Variants in FAM20C observed in about 807,000 individuals in gnomAD.
FAM20C encodes the protein FAM20C golgi associated secretory pathway kinase.
A neutral mutation model predicts 51.5 loss-of-function variants in FAM20C; 40 were observed. That is an observed-to-expected ratio of 0.78 (90% CI 0.60 to 1.01). FAM20C has a LOEUF of 1.01. FAM20C is among the 50% of genes least tolerant of loss of function. The pLI, the probability that FAM20C is intolerant of heterozygous loss-of-function variation, is 0.00. For synonymous variants in FAM20C, 406 were observed against 380.6 expected (o/e 1.07, Z -0.78); for missense variants, 861 against 844.7 (o/e 1.02, Z -0.24).
At chr7:248,169 G>T in intron 4 of FAM20C, 146 bp from the exon 5 acceptor site, 1 of 533,702 alleles carries the variant, frequency 1.9e-6, no homozygotes. Flanking sequence ...CCTAGGGCTG[G>T]GTTTATTCGG....
In FAM20C at chr7:258,157, TAGGCA is replaced by T. The variant is rs1562401522; in HGVS notation, c.1446-488_1446-484del. The stretch of plus-strand genomic sequence containing the variant: ...GACCCACTGACTGGGGTGCTGGAGA[TAGGCA>T]GGGTGGACCCACTGCCTGAGGTGCT... On this transcript the variant is annotated intron_variant, in intron 8 of 9. Transcript: ENST00000313766. 6.0e-3 allele frequency among the ~76,000 whole-genome samples: 515 copies of T among 86,452 alleles called. 74 individuals are homozygous for T. Among genetic ancestry groups the T allele is most frequent in the African/African-American group, 6.8e-3 (117 of 17,248 alleles). The allele number at this position is 86,452 out of a possible 152,430, so 56.7% of individuals were successfully genotyped here.
At chr7:209,885 G>T (rs567588680) in intron 3 of FAM20C, among the ~76,000 whole-genome samples, 26 of 152,268 alleles carry the variant, frequency 1.7e-4, no homozygotes, top group Non-Finnish European at 3.2e-4. Flanking sequence ...GATGTTTGCA[G>T]CTGGGCTCGG....
intron 1 of FAM20C, chr7:195,284 A>C: frequency 1.3e-5 from 5 of 376,364 alleles, no homozygotes; most frequent in Non-Finnish European, 2.4e-5. Context: ...ACGTCCTGGA[A>C]TTAGTTTTGC....
intron 2 of FAM20C, among the ~76,000 whole-genome samples, chr7:198,227 A>T (rs1446437853): frequency 6.6e-6 from 1 of 152,200 alleles, no homozygotes; most frequent in Non-Finnish European, 1.5e-5. Context: ...ACACAGCCGC[A>T]TCACCCAGGC....
intron 3 of FAM20C, chr7:228,199 C>G: frequency 3.0e-6 from 1 of 331,888 alleles, no homozygotes; most frequent in Non-Finnish European, 6.0e-6. Flanking sequence ...TGTGATGAGG[C>G]CCGTGGCCAA....
intron 3 of FAM20C, among the ~76,000 whole-genome samples, chr7:211,768 C>T (rs964749899): frequency 1.3e-5 from 2 of 152,214 alleles, no homozygotes; most frequent in Non-Finnish European, 2.9e-5. Context: ...GAAACTGAGG[C>T]CCGGAAAGGG....
chr7:205,996 G>A (rs752560429), intron 2 of FAM20C, among the ~76,000 whole-genome samples: 1 of 151,560 alleles, frequency 6.6e-6, no homozygotes, highest in African/African-American at 2.4e-5. Context: ...CCCCCATCCC[G>A]CCATCTCCTG....
intron 3 of FAM20C, among the ~76,000 whole-genome samples, chr7:216,830 C>G (rs372576836): frequency 2.6e-5 from 4 of 152,046 alleles, no homozygotes; most frequent in Non-Finnish European, 5.9e-5. Flanking sequence ...GAAGGGCTTG[C>G]GGGGCTGACA....
At chr7:195,513 G>A in intron 1 of FAM20C, 41 bp from the exon 2 acceptor site, 1 of 1,460,992 alleles carries the variant, frequency 6.8e-7, no homozygotes, top group Non-Finnish European at 9.1e-7. Flanking sequence ...TCACGGGCCT[G>A]TTCTTTCCAT....
At chr7:223,844 C>T (rs557495267) in intron 3 of FAM20C, among the ~76,000 whole-genome samples, 173 of 149,180 alleles carry the variant, frequency 1.2e-3, no homozygotes, top group South Asian at 5.9e-3. Flanking sequence ...AATGAGCTTT[C>T]GAGAGACTCT....
At chr7:217,745 G>A (rs1327739300) in intron 3 of FAM20C, among the ~76,000 whole-genome samples, 1 of 152,126 alleles carries the variant, frequency 6.6e-6, no homozygotes, top group East Asian at 1.9e-4. Context: ...AAGAAAGACG[G>A]GAGAACAATG....
At chr7:245,586 A>G (rs1788119741) in intron 3 of FAM20C, among the ~76,000 whole-genome samples, 1 of 152,104 alleles carries the variant, frequency 6.6e-6, no homozygotes, top group African/African-American at 2.4e-5. Flanking sequence ...TTGGTGGAGG[A>G]AGCATGCTTA....
In FAM20C at chr7:193,361, G is replaced by A. The variant is rs1785667502; in HGVS notation, c.162G>A (p.Glu54=). The A allele has an allele frequency of 1.6e-6, 2 of 1,267,628 alleles. No homozygotes were observed. Among genetic ancestry groups the A allele is most frequent in the Non-Finnish European group, 9.9e-7 (1 of 1,007,806 alleles). The allele number at this position is 1,267,628 out of a possible 1,614,324, so 78.5% of individuals were successfully genotyped here. ...PGCSCAQPAA[E]VAAPGWAQVR... ...GTTCGTGCGCGCAGCCCGCCGCCGAGGTGGCCGCGCCCGGCTGGGCCCAGG... is the reference window on the plus strand; with the variant it reads ...GTTCGTGCGCGCAGCCCGCCGCCGAAGTGGCCGCGCCCGGCTGGGCCCAGG... The change falls in exon 1 of 10, where the codon GAG becomes GAA. Residue 54 remains glutamate, a synonymous_variant. Coordinates refer to ENST00000313766, the MANE Select transcript of FAM20C (RefSeq NM_020223.4).
chr7:223,279 G>A (rs1183606926), intron 3 of FAM20C, among the ~76,000 whole-genome samples: 1 of 152,172 alleles, frequency 6.6e-6, no homozygotes, highest in East Asian at 1.9e-4. Flanking sequence ...TTTCCGTGTT[G>A]TCAGATCGTC....
At chr7:206,185 C>T (rs537219594) in intron 2 of FAM20C, among the ~76,000 whole-genome samples, 1 of 152,202 alleles carries the variant, frequency 6.6e-6, no homozygotes. Context: ...CGTCACTCCA[C>T]CAGATACCTC....
intron 5 of FAM20C, among the ~76,000 whole-genome samples, chr7:253,178 C>T (rs886376393): frequency 2.6e-5 from 4 of 152,236 alleles, no homozygotes; most frequent in African/African-American, 9.6e-5. Flanking sequence ...GTTCGGGCAC[C>T]CAGAGCCGCT....
intron 3 of FAM20C, among the ~76,000 whole-genome samples, chr7:214,116 G>T (rs1292332656): frequency 6.6e-6 from 1 of 152,118 alleles, no homozygotes; most frequent in Non-Finnish European, 1.5e-5. Context: ...ATCTGAGGTT[G>T]GGAGTTCAAG....
chr7:194,029 T>TTCCTCACCAGCAGCCACAG, intron 1 of FAM20C: 1 of 632,778 alleles, frequency 1.6e-6, no homozygotes, highest in Non-Finnish European at 2.4e-6. Context: ...GCCCTGTGGC[T>TTCCTCACCAGCAGCCACAG]GCTGGTGAGG....
rs997708166 is a variant in FAM20C, at chr7:259,881, C to G, written c.1656C>G (p.Val552=). Residue 552 remains valine, a synonymous_variant, in exon 10 of 10, where the codon GTC becomes GTG. Transcript: ENST00000313766. The part of the protein sequence containing the change: ...HLEALDRRLR[V]VLKAVRDCVE... ...AGGCCCTGGACCGGCGGCTCCGCGT[C>G]GTGCTAAAGGCCGTCCGGGACTGCG... 7 of 1,536,056 alleles carry G rather than the reference C, an allele frequency of 4.6e-6. No individual in the cohort carries two copies. In the African/African-American group the frequency reaches 8.2e-5, roughly 18 times the overall value.
Sources: gnomAD v4.1 joint callset for allele counts (sites outside exome capture counted in the v4.1 genomes callset) on GRCh38, gnomAD v4.1.1 for gene constraint, MANE v1.5 for transcripts, NCBI Gene and HGNC (gene_info 2026-07-23, HGNC 2026-07-21) for gene names.